Variants in ST6GAL1 observed in about 807,000 individuals in gnomAD.
ST6GAL1 encodes the protein beta-galactoside alpha-2,6-sialyltransferase 1.
Under a neutral mutation model 38.0 loss-of-function variants are expected in ST6GAL1, and 20 were observed. That is an observed-to-expected ratio of 0.53 (90% CI 0.37 to 0.77). The LOEUF is 0.77. ST6GAL1 is among the 30% of genes least tolerant of loss of function. ST6GAL1 has a pLI of 0.00. For synonymous variants in ST6GAL1, 196 were observed against 188.2 expected, an observed-to-expected ratio of 1.04 and a Z score of -0.34; for missense variants, 432 against 496.4, an observed-to-expected ratio of 0.87 and a Z score of 1.23.
At chr3:187,068,341 C>CAA (rs112868643) in intron 5 of ST6GAL1, among the ~76,000 whole-genome samples, 3,700 of 87,782 alleles carry the variant, frequency 0.042, 188 homozygotes, top group African/African-American at 0.12. Flanking sequence ...GACTCCATCT[C>CAA]AAAAAAAAAA....
intron 1 of ST6GAL1, among the ~76,000 whole-genome samples, chr3:186,961,345 G>T (rs1714930038): frequency 6.6e-6 from 1 of 152,124 alleles, no homozygotes; most frequent in African/African-American, 2.4e-5. Flanking sequence ...TCACTCTAGG[G>T]TCTACCACCA....
intron 1 of ST6GAL1, among the ~76,000 whole-genome samples, chr3:186,932,472 T>G (rs753466794): frequency 7.9e-5 from 12 of 152,234 alleles, no homozygotes; most frequent in Non-Finnish European, 1.8e-4. Flanking sequence ...CAAGAATTCT[T>G]TATTCTGTTG....
chr3:187,060,456 C>T (rs899255570), intron 5 of ST6GAL1, among the ~76,000 whole-genome samples: 5 of 152,172 alleles, frequency 3.3e-5, no homozygotes, highest in African/African-American at 1.2e-4. Flanking sequence ...CCACCTCACC[C>T]AGCAGGGTGA....
chr3:187,064,374 C>CA lies in ST6GAL1; in HGVS notation c.706-8474dup, dbSNP rs1719022048. ...AAACTCTCCTGGGCAGCATCCTGCCCAGTAGGCACATGTATTAGTTGCCTA... is the reference window on the plus strand; with the variant it reads ...AAACTCTCCTGGGCAGCATCCTGCCCAAGTAGGCACATGTATTAGTTGCCTA... On this transcript the variant is annotated intron_variant, in intron 5 of 7. Transcript: ENST00000169298. 7.8e-6 allele frequency: 3 copies of CA among 383,512 alleles called. No homozygotes were observed. The Admixed American group carries it at 9.0e-5, about 11-fold the overall frequency. The allele number at this position is 383,512 out of a possible 1,614,324, so 23.8% of individuals were successfully genotyped here.
Position 187,060,272 on chromosome 3 carries a change from T to C in ST6GAL1, c.705+8926T>C, listed in dbSNP as rs181370399. Among the ~76,000 whole-genome samples, 234 of 152,284 alleles carry C rather than the reference T, an allele frequency of 1.5e-3. 1 individual carries two copies. Among genetic ancestry groups the C allele is most frequent in the Non-Finnish European group, 2.3e-3 (155 of 68,022 alleles). On this transcript the variant is annotated intron_variant, in intron 5 of 7. Transcript: ENST00000169298. The stretch of plus-strand genomic sequence containing the variant: ...ACCTCCTGGGTTCAAGCGATTCCCC[T>C]GCCTCAGCCTCCCGAGTAGCTGGGA...
In ST6GAL1 at chr3:187,077,523, G is replaced by GA. The variant is rs1719605060; in HGVS notation, c.*1721dup. 6.6e-6 allele frequency: 1 copy of GA among 152,378 alleles called. No individual in the cohort carries two copies. Among genetic ancestry groups the GA allele is most frequent in the Non-Finnish European group, 1.5e-5 (1 of 68,168 alleles). The allele number at this position is 152,378 out of a possible 1,614,324, so 9.4% of individuals were successfully genotyped here. A position where few individuals can be genotyped will look rare whatever the true frequency, so the allele number is the denominator to read the frequency against. ...ATGTAGCTAGAAAGGGCCCTGGAGT[G>GA]AGAAAGCCTGGATTTTCAAATTGAT... On this transcript the variant is annotated 3_prime_UTR_variant, in exon 8 of 8. Coordinates refer to ENST00000169298, the MANE Select transcript of ST6GAL1 (RefSeq NM_173216.2).
intron 3 of ST6GAL1, among the ~76,000 whole-genome samples, chr3:187,040,949 C>A (rs1359116613): frequency 6.6e-6 from 1 of 152,168 alleles, no homozygotes. Flanking sequence ...AGCTGGATGT[C>A]AGTTCATGGA....
intron 2 of ST6GAL1, among the ~76,000 whole-genome samples, chr3:186,977,688 T>C (rs1435667149): frequency 6.6e-6 from 1 of 152,248 alleles, no homozygotes; most frequent in East Asian, 1.9e-4. Context: ...GCTAATTCCA[T>C]CCCGTGCCTC....
At chr3:187,069,553 T>C (rs1227199888) in intron 5 of ST6GAL1, among the ~76,000 whole-genome samples, 1 of 152,192 alleles carries the variant, frequency 6.6e-6, no homozygotes, top group African/African-American at 2.4e-5. Context: ...CAGCCGACAA[T>C]TGTAACTTCT....
intron 2 of ST6GAL1, among the ~76,000 whole-genome samples, chr3:187,012,059 C>T (rs2108559238): frequency 6.6e-6 from 1 of 152,268 alleles, no homozygotes; most frequent in East Asian, 1.9e-4. Context: ...CCAGGACTCA[C>T]ATCTTCCTCC....
intron 2 of ST6GAL1, among the ~76,000 whole-genome samples, chr3:187,016,891 G>A (rs1427482795): frequency 6.6e-6 from 1 of 152,194 alleles, no homozygotes; most frequent in African/African-American, 2.4e-5. Context: ...ACCACGTGGG[G>A]AGGAGACAGA....
chr3:186,931,859 T>G (rs2108510989), intron 1 of ST6GAL1, among the ~76,000 whole-genome samples: 1 of 152,370 alleles, frequency 6.6e-6, no homozygotes. Context: ...AGTTCTGAGT[T>G]TATTTGAAAG....
chr3:186,989,026 A>G (rs1259065461), intron 2 of ST6GAL1, among the ~76,000 whole-genome samples: 1 of 152,244 alleles, frequency 6.6e-6, no homozygotes, highest in Non-Finnish European at 1.5e-5. Context: ...AAAACTAACC[A>G]GAAACTTTCA....
At chr3:187,000,070 TC>T (rs147805301) in intron 2 of ST6GAL1, among the ~76,000 whole-genome samples, 11,763 of 152,072 alleles carry the variant, frequency 0.077, 540 homozygotes, top group Middle Eastern at 0.14. Flanking sequence ...CCAGCATTCT[TC>T]CTGCCTTGGC....
intron 6 of ST6GAL1, chr3:187,073,942 C>A (rs78091794): frequency 4.3e-5 from 17 of 395,506 alleles, no homozygotes; most frequent in African/African-American, 1.2e-4. Context: ...CAACTCTCCC[C>A]CAAAGCACAG....
At chr3:187,017,867 C>T (rs567708559) in intron 2 of ST6GAL1, among the ~76,000 whole-genome samples, 27 of 152,296 alleles carry the variant, frequency 1.8e-4, no homozygotes, top group South Asian at 4.1e-4. Flanking sequence ...TAGACATTGT[C>T]CTCACTAAAG....
At chr3:187,072,804 T>G in intron 5 of ST6GAL1, 45 bp from the exon 6 acceptor site, 1 of 1,523,444 alleles carries the variant, frequency 6.6e-7, no homozygotes, top group East Asian at 2.3e-5. Context: ...GTCAAACATT[T>G]GCATATGAAT....
At chr3:186,957,256 A>G (rs1714778822) in intron 1 of ST6GAL1, among the ~76,000 whole-genome samples, 1 of 152,228 alleles carries the variant, frequency 6.6e-6, no homozygotes, top group South Asian at 2.1e-4. Context: ...CAGCCTGGCC[A>G]CATGGCAAAA....
At chr3:187,048,326 T>A (rs1476880385) in intron 4 of ST6GAL1, among the ~76,000 whole-genome samples, 3 of 152,144 alleles carry the variant, frequency 2.0e-5, no homozygotes. Flanking sequence ...TGCCAACCTC[T>A]GTAACTGTAT....
Sources: allele counts gnomAD v4.1 joint callset (sites outside exome capture counted in the v4.1 genomes callset), GRCh38; gene constraint gnomAD v4.1.1; transcripts MANE v1.5; gene names NCBI Gene and HGNC (gene_info 2026-07-23, HGNC 2026-07-21).